Variants in PROS1 observed in about 807,000 individuals in gnomAD.
PROS1 encodes vitamin K-dependent protein S.
Under a neutral mutation model 75.9 loss-of-function variants are expected in PROS1, and 29 were observed. That is an observed-to-expected ratio of 0.38 (90% CI 0.28 to 0.52). The LOEUF (loss-of-function observed/expected upper bound fraction) is 0.52, where lower values mean the gene tolerates loss of function less well. Ranked by LOEUF, PROS1 falls within the 20% of genes least tolerant of loss-of-function variation. The pLI is 0.83. For synonymous variants in PROS1, 245 were observed against 280.6 expected (o/e 0.87, Z 1.27); for missense variants, 680 against 810.3 (o/e 0.84, Z 1.95).
chr3:93,946,063 A>C (rs1318859397), intron 1 of PROS1, among the ~76,000 whole-genome samples: 1 of 152,246 alleles, frequency 6.6e-6, no homozygotes, highest in Non-Finnish European at 1.5e-5. Flanking sequence ...CAATTGCTTC[A>C]AAGAGAATAA....
chr3:93,940,816 T>A (rs1576206008), intron 1 of PROS1, among the ~76,000 whole-genome samples: 1 of 152,288 alleles, frequency 6.6e-6, no homozygotes, highest in East Asian at 1.9e-4. Context: ...CAGCATGGGC[T>A]TCTAAAACTT....
At chr3:93,915,376 G>A (rs930548436) in intron 3 of PROS1, among the ~76,000 whole-genome samples, 1 of 152,124 alleles carries the variant, frequency 6.6e-6, no homozygotes, top group African/African-American at 2.4e-5. Context: ...TGAGGTACAA[G>A]AACTGCTTGA....
Position 93,973,781 on chromosome 3 carries a change from G to T in PROS1, c.-32C>A. On this transcript the variant is annotated 5_prime_UTR_variant, in exon 1 of 15. Transcript: ENST00000394236. ...GCGCGCGGAGGCGCCGGCAGGGACG[G>T]TGGCGCGTCGCGGCGGGGACCGGAG... The T allele has an allele frequency of 6.3e-7, 1 of 1,588,510 alleles. No individual in the cohort carries two copies. The highest frequency in any genetic ancestry group is 8.6e-7 in the Non-Finnish European group (1 of 1,164,816).
intron 6 of PROS1, among the ~76,000 whole-genome samples, chr3:93,901,448 G>A (rs1347477765): frequency 6.6e-6 from 1 of 152,182 alleles, no homozygotes; most frequent in African/African-American, 2.4e-5. Context: ...AGTGCTAAAT[G>A]AATATTCCAG....
chr3:93,947,769 G>A (rs375620723), intron 1 of PROS1, among the ~76,000 whole-genome samples: 45 of 151,920 alleles, frequency 3.0e-4, no homozygotes, highest in Middle Eastern at 3.4e-3. Flanking sequence ...GGGTTTCACC[G>A]TGTTAGCCAG....
chr3:93,924,690 T>C (rs960037346), intron 2 of PROS1, among the ~76,000 whole-genome samples: 1 of 147,870 alleles, frequency 6.8e-6, no homozygotes, highest in African/African-American at 2.5e-5. Context: ...TGAGACGAGG[T>C]TTCTCTGTGT....
At chr3:93,902,968 G>A (rs978237384) in intron 6 of PROS1, among the ~76,000 whole-genome samples, 33 of 151,788 alleles carry the variant, frequency 2.2e-4, no homozygotes, top group African/African-American at 7.7e-4. Flanking sequence ...CCGGGTTCAC[G>A]CTATTCTCCT....
rs199469491 is a variant in PROS1, at chr3:93,892,993, A to C, written c.1095T>G (p.Asn365Lys). The stretch of plus-strand genomic sequence containing the variant: ...CAGTTGTGATTTTGGATGTATGTTC[A>C]TTCTTAAGCTGAACTTCAATCTTTC... ...RGGKIEVQLKNEHTSKITTGG... is the reference protein window; with the variant it reads ...RGGKIEVQLKKEHTSKITTGG... Residue 365 changes from asparagine (N) to lysine (K), a missense_variant, in exon 10 of 15, where the codon AAT becomes AAG. Physicochemically the swap from Asn to Lys is moderately conservative, Grantham distance 94 (BLOSUM62 0). Transcript: ENST00000394236. The C allele has an allele frequency of 7.7e-4, 1,245 of 1,613,426 alleles. 10 individuals carry two copies. Among genetic ancestry groups the C allele is most frequent in the East Asian group, 2.2e-4 (10 of 44,862 alleles).
chr3:93,910,470 A>AAATG, intron 4 of PROS1, 149 bp downstream of exon 4: 1 of 721,132 alleles, frequency 1.4e-6, no homozygotes. Context: ...CAAGTATTAG[A>AAATG]AATGCAGTTT....
chr3:93,893,203 C>G (rs1332226060), intron 9 of PROS1, 81 bp from the exon 10 acceptor site: 3 of 1,204,442 alleles, frequency 2.5e-6, no homozygotes, highest in Non-Finnish European at 3.6e-6. Context: ...CTTGTACTGA[C>G]AAACAGTAAC....
intron 1 of PROS1, among the ~76,000 whole-genome samples, chr3:93,949,980 C>A (rs1460917588): frequency 2.6e-5 from 4 of 152,158 alleles, no homozygotes; most frequent in Non-Finnish European, 5.9e-5. Context: ...GACACTCACA[C>A]CCTAATACTG....
intron 9 of PROS1, among the ~76,000 whole-genome samples, chr3:93,895,417 C>G (rs547339231): frequency 5.3e-5 from 8 of 152,066 alleles, no homozygotes; most frequent in Non-Finnish European, 8.8e-5. Flanking sequence ...CACATATTGG[C>G]AGAAATAAAG....
At chr3:93,944,896 T>C (rs1446636695) in intron 1 of PROS1, among the ~76,000 whole-genome samples, 1 of 150,920 alleles carries the variant, frequency 6.6e-6, no homozygotes, top group Non-Finnish European at 1.5e-5. Flanking sequence ...GTCAACAAAA[T>C]TGATAGAATA....
chr3:93,907,219 G>A (rs1158137653), intron 4 of PROS1, among the ~76,000 whole-genome samples: 2 of 152,208 alleles, frequency 1.3e-5, no homozygotes. Flanking sequence ...CCTCTCTGAA[G>A]ACCATAAAAA....
chr3:93,886,230 T>G (rs1708344418), intron 11 of PROS1, 106 bp downstream of exon 11: 3 of 1,003,490 alleles, frequency 3.0e-6, no homozygotes, highest in East Asian at 2.4e-5. Flanking sequence ...ACACTTAGTA[T>G]GCTTAACAAA....
At chr3:93,924,871 C>T (rs1403541078) in intron 2 of PROS1, among the ~76,000 whole-genome samples, 1 of 151,920 alleles carries the variant, frequency 6.6e-6, no homozygotes, top group East Asian at 1.9e-4. Context: ...TGGGGTCTCA[C>T]TATGTTGCCT....
At chr3:93,908,273 G>C (rs1418292506) in intron 4 of PROS1, among the ~76,000 whole-genome samples, 2 of 152,322 alleles carry the variant, frequency 1.3e-5, no homozygotes, top group East Asian at 3.9e-4. Context: ...TTGGAGAACA[G>C]GAAGGAGAAC....
intron 1 of PROS1, among the ~76,000 whole-genome samples, chr3:93,949,469 T>C (rs1467697811): frequency 6.6e-6 from 1 of 152,016 alleles, no homozygotes; most frequent in Admixed American, 6.5e-5. Flanking sequence ...ATTTGGCTCA[T>C]AAATAGCAAA....
intron 3 of PROS1, chr3:93,911,305 G>C (rs998646469): frequency 6.5e-6 from 1 of 153,146 alleles, no homozygotes; most frequent in Non-Finnish European, 1.5e-5. Flanking sequence ...ATAACAGCTG[G>C]AATTGTAAAG....
Sources: allele counts gnomAD v4.1 joint callset (sites outside exome capture counted in the v4.1 genomes callset), GRCh38; gene constraint gnomAD v4.1.1; transcripts MANE v1.5; gene names NCBI Gene and HGNC (gene_info 2026-07-23, HGNC 2026-07-21).